CD36: variants seen among roughly 807,000 people sequenced by gnomAD.
CD36 encodes the protein platelet glycoprotein 4.
Under a neutral mutation model 55.2 loss-of-function variants are expected in CD36, and 119 were observed. The ratio of observed to expected loss-of-function variants is 2.15; its 90% CI spans 1.86 to 2.51. The LOEUF is 2.51. Among genes scored for constraint, CD36 ranks in the 30% most tolerant of loss-of-function variants. CD36 has a pLI of 0.00. For synonymous variants in CD36, 186 were observed against 193.6 expected, an observed-to-expected ratio of 0.96 and a Z score of 0.33; for missense variants, 819 against 555.5, an observed-to-expected ratio of 1.47 and a Z score of -4.77.
At chr7:80,672,244 T>C (rs1797761375) in intron 11 of CD36, among the ~76,000 whole-genome samples, 1 of 151,922 alleles carries the variant, frequency 6.6e-6, no homozygotes, top group South Asian at 2.1e-4. Context: ...TATATAAATA[T>C]TTATGTTTAG....
At chr7:80,655,396 G>T (rs372422647) in intron 3 of CD36, among the ~76,000 whole-genome samples, 1 of 152,140 alleles carries the variant, frequency 6.6e-6, no homozygotes, top group Non-Finnish European at 1.5e-5. Context: ...ACCCTAGGGA[G>T]GTTTGATGAC....
intron 2 of CD36, 149 bp from the exon 3 acceptor site, chr7:80,646,503 C>T (rs886628443): frequency 6.9e-5 from 35 of 510,292 alleles, no homozygotes; most frequent in Admixed American, 9.6e-5. Context: ...GGAGACGGAC[C>T]GAGGAAGCCA....
At chr7:80,604,970 A>C (rs1792461387) in intron 1 of CD36, among the ~76,000 whole-genome samples, 1 of 152,106 alleles carries the variant, frequency 6.6e-6, no homozygotes, top group Admixed American at 6.6e-5. Flanking sequence ...ACTTTATGTA[A>C]AATGTAGCAA....
At chr7:80,651,407 AAT>A (rs1795609188) in intron 3 of CD36, among the ~76,000 whole-genome samples, 1 of 152,154 alleles carries the variant, frequency 6.6e-6, no homozygotes, top group Non-Finnish European at 1.5e-5. Context: ...GGAAGAAAAA[AAT>A]AAAATTTAAA....
upstream of CD36, chr7:80,636,711 A>G (rs1285190453): frequency 6.6e-6 from 1 of 152,076 alleles, no homozygotes; most frequent in Non-Finnish European, 1.5e-5. Context: ...TCTTTAAAAA[A>G]ATGAAAACCC....
rs1438503668 is a variant in CD36, at chr7:80,671,000, C to T, written c.842C>T (p.Ser281Phe). 2 of 1,613,090 alleles carry T rather than the reference C, an allele frequency of 1.2e-6. No homozygotes were observed. The highest frequency in any genetic ancestry group is 2.2e-5 in the East Asian group (1 of 44,802). ...AGGTCAATCTATGCTGTATTTGAAT[C>T]CGACGTTAATCTGAAAGGAATCCCT... ...ICRSIYAVFE[S>F]DVNLKGIPVY... is the part of the protein sequence containing the mutation. The change falls in exon 10 of 15, where the codon TCC (serine) becomes TTC (phenylalanine). Residue 281 changes from serine to phenylalanine, a missense_variant. Physicochemically the swap from Ser to Phe is radical, Grantham distance 155. Coordinates refer to ENST00000447544, the MANE Select transcript of CD36 (RefSeq NM_001001548.3).
At chr7:80,611,904 G>A (rs1319922886) in intron 1 of CD36, among the ~76,000 whole-genome samples, 1 of 152,064 alleles carries the variant, frequency 6.6e-6, no homozygotes, top group Non-Finnish European at 1.5e-5. Context: ...AATCGTTTTG[G>A]GTTCAGACAT....
rs914798211 is a variant in CD36, at chr7:80,677,383, CAGA to C, written c.*1003_*1005del. 26 of 152,108 alleles carry C rather than the reference CAGA, an allele frequency of 1.7e-4. No homozygotes were observed. Among genetic ancestry groups the C allele is most frequent in the Non-Finnish European group, 3.1e-4 (21 of 68,010 alleles). The allele number at this position is 152,108 out of a possible 1,614,324, so 9.4% of individuals were successfully genotyped here. On this transcript the variant is annotated 3_prime_UTR_variant, in exon 15 of 15. Coordinates refer to ENST00000447544, the MANE Select transcript of CD36 (RefSeq NM_001001548.3). ...CAAATTCTAGCTTGTGTTTTACCCA[CAGA>C]AGGATACAGGACAAAGGAATAGTAA... is the stretch of plus-strand genomic sequence containing the variant.
chr7:80,641,222 TA>T (rs1794788733), intron 1 of CD36, among the ~76,000 whole-genome samples: 1 of 152,122 alleles, frequency 6.6e-6, no homozygotes, highest in Non-Finnish European at 1.5e-5. Flanking sequence ...AAGAATGACC[TA>T]ATGACCTTAT....
In CD36 at chr7:80,666,463, G is replaced by T. The variant is rs756808645; in HGVS notation, c.722G>T (p.Ser241Ile). 24 of 1,608,166 alleles carry T rather than the reference G, an allele frequency of 1.5e-5. No individual in the cohort carries two copies. Among genetic ancestry groups the T allele is most frequent in the Non-Finnish European group, 1.1e-5 (13 of 1,175,196 alleles). Residue 241 changes from serine to isoleucine, a missense_variant, in exon 8 of 15, where the codon AGT becomes ATT. Transcript: ENST00000447544. ...KGKRNLSYWE[S>I]HCDMINGTDA... The stretch of plus-strand genomic sequence containing the variant: ...CCTAGGAATCTGTCCTATTGGGAAA[G>T]TCACTGCGACATGATTAATGGTACA...
At chr7:80,631,834 A>G (rs1045964291) in intron 1 of CD36, among the ~76,000 whole-genome samples, 1 of 151,316 alleles carries the variant, frequency 6.6e-6, no homozygotes, top group Non-Finnish European at 1.5e-5. Context: ...TACATAAATG[A>G]TATAAATAAT....
Position 80,673,992 on chromosome 7 carries a change from A to ATT in CD36, c.1265_1266dup (p.Gly423LeufsTer13). On this transcript the variant is annotated frameshift_variant, in exon 14 of 15. Coordinates refer to ENST00000447544, the MANE Select transcript of CD36 (RefSeq NM_001001548.3). LOFTEE classifies it high-confidence loss of function. ...ATTAACTTGATTACAGACTGGGACC[A>ATT]TTGGTGATGAGAAGGCAAACATGTT... 6.2e-7 allele frequency: 1 copy of ATT among 1,611,576 alleles called. No homozygotes were observed. Among genetic ancestry groups the ATT allele is most frequent in the African/African-American group, 1.3e-5 (1 of 74,946 alleles).
Position 80,653,183 on chromosome 7 carries a change from T to TA in CD36, c.121-3350dup, listed in dbSNP as rs534173394. On this transcript the variant is annotated intron_variant, in intron 3 of 14. Transcript: ENST00000447544. ...ATACCTTGTTAGGGTGGGGATAGGG[T>TA]AAAAAAATCTAACTCGTAGATTAAA... Among the ~76,000 whole-genome samples the TA allele has an allele frequency of 2.0e-3, 312 of 152,216 alleles. 3 individuals are homozygous for TA. Among genetic ancestry groups the TA allele is most frequent in the African/African-American group, 7.2e-3 (300 of 41,554 alleles).
At chr7:80,661,302 T>C in intron 5 of CD36, 92 bp downstream of exon 5, 1 of 1,257,258 alleles carries the variant, frequency 8.0e-7, no homozygotes, top group African/African-American at 1.5e-5. Context: ...TTTTACTTGT[T>C]TTTCCATTTT....
At chr7:80,672,481 CT>C (rs1797789315) in intron 11 of CD36, among the ~76,000 whole-genome samples, 1 of 151,726 alleles carries the variant, frequency 6.6e-6, no homozygotes, top group African/African-American at 2.4e-5. Context: ...CAGGAATTAT[CT>C]GAGATCTTAT....
intron 8 of CD36, among the ~76,000 whole-genome samples, chr7:80,667,925 A>G (rs1389680776): frequency 6.6e-6 from 1 of 151,634 alleles, no homozygotes; most frequent in East Asian, 2.0e-4. Context: ...TAATTTTTGT[A>G]TTTTTAGTAG....
At chr7:80,675,623 C>G (rs1356942544) in intron 14 of CD36, among the ~76,000 whole-genome samples, 1 of 151,802 alleles carries the variant, frequency 6.6e-6, no homozygotes, top group African/African-American at 2.4e-5. Context: ...AGAGAATAAA[C>G]TGTTGATTAC....
intron 1 of CD36, chr7:80,624,054 G>A (rs935371229): frequency 3.3e-5 from 5 of 152,204 alleles, no homozygotes; most frequent in Admixed American, 3.3e-4. Context: ...ACTGACTGAT[G>A]TACAGCAGTG....
intron 1 of CD36, among the ~76,000 whole-genome samples, chr7:80,645,783 C>A (rs764383722): frequency 4.6e-5 from 7 of 151,100 alleles, no homozygotes; most frequent in Non-Finnish European, 8.9e-5. Context: ...GGAAAAAATT[C>A]TTCAGTAAGA....
Sources: allele counts gnomAD v4.1 joint callset (sites outside exome capture counted in the v4.1 genomes callset), GRCh38; gene constraint gnomAD v4.1.1; transcripts MANE v1.5; gene names NCBI Gene and HGNC (gene_info 2026-07-23, HGNC 2026-07-21).